Variants in ALPK1 observed in about 807,000 individuals in gnomAD.
ALPK1 encodes the protein alpha-protein kinase 1.
In ALPK1, 110 loss-of-function variants were observed where a neutral mutation model predicts 120.6. The observed-to-expected ratio is 0.91, with a 90% confidence interval of 0.78 to 1.07. The LOEUF (loss-of-function observed/expected upper bound fraction) is 1.07. Among genes scored for constraint, ALPK1 ranks in the 50% least tolerant of loss-of-function variants. The pLI is 0.00. For synonymous variants in ALPK1, 582 were observed against 560.3 expected, an observed-to-expected ratio of 1.04 and a Z score of -0.55; for missense variants, 1,498 against 1,483.9, an observed-to-expected ratio of 1.01 and a Z score of -0.16.
chr4:112,309,903 T>A (rs1212418667), intron 1 of ALPK1, among the ~76,000 whole-genome samples: 1 of 152,142 alleles, frequency 6.6e-6, no homozygotes, highest in African/African-American at 2.4e-5. Flanking sequence ...GTGGCCACTT[T>A]GTCCTGTTAG....
intron 10 of ALPK1, 126 bp downstream of exon 10, chr4:112,429,379 G>A: frequency 1.4e-6 from 1 of 728,566 alleles, no homozygotes; most frequent in Non-Finnish European, 2.2e-6. Context: ...TGGCAATTGT[G>A]ATAAGACTCC....
At chr4:112,430,325 T>A in intron 10 of ALPK1, 123 bp from the exon 11 acceptor site, 1 of 961,448 alleles carries the variant, frequency 1.0e-6, no homozygotes, top group Non-Finnish European at 1.5e-6. Context: ...TTAGAATGTA[T>A]GTGGCATGTG....
At chr4:112,402,594 A>T (rs1180750314) in intron 4 of ALPK1, among the ~76,000 whole-genome samples, 1 of 152,212 alleles carries the variant, frequency 6.6e-6, no homozygotes, top group African/African-American at 2.4e-5. Context: ...TCCTGAAAAC[A>T]GATGTGAAAA....
intron 4 of ALPK1, among the ~76,000 whole-genome samples, chr4:112,391,047 G>A (rs1412607173): frequency 6.6e-6 from 1 of 152,162 alleles, no homozygotes; most frequent in Admixed American, 6.5e-5. Flanking sequence ...GCTAGACTGA[G>A]GTAGATTGTA....
intron 2 of ALPK1, chr4:112,356,268 G>T: frequency 8.0e-7 from 1 of 1,244,562 alleles, no homozygotes; most frequent in South Asian, 1.2e-5. Context: ...GCGGGCACAG[G>T]CAAGACGCTG....
At chr4:112,316,695 C>A (rs1452904407) in intron 2 of ALPK1, among the ~76,000 whole-genome samples, 3 of 152,028 alleles carry the variant, frequency 2.0e-5, no homozygotes, top group Non-Finnish European at 4.4e-5. Context: ...TCTCATTGTG[C>A]TTTTGATCTG....
chr4:112,432,960 A>G (rs1188710487), intron 11 of ALPK1, among the ~76,000 whole-genome samples: 1 of 152,194 alleles, frequency 6.6e-6, no homozygotes, highest in Non-Finnish European at 1.5e-5. Flanking sequence ...GGTGATTTTA[A>G]CAGGCTGGAT....
intron 4 of ALPK1, 107 bp downstream of exon 4, chr4:112,382,659 C>T (rs1290729484): frequency 2.1e-6 from 3 of 1,463,384 alleles, no homozygotes; most frequent in South Asian, 1.2e-5. Flanking sequence ...CAGCCCCCTA[C>T]CCTTATGCTC....
intron 1 of ALPK1, among the ~76,000 whole-genome samples, chr4:112,308,764 C>A (rs1176092298): frequency 6.6e-6 from 1 of 152,152 alleles, no homozygotes; most frequent in African/African-American, 2.4e-5. Context: ...AGTCATTGTC[C>A]ATCCAGCTTT....
intron 2 of ALPK1, among the ~76,000 whole-genome samples, chr4:112,354,021 A>C (rs919520553): frequency 6.6e-6 from 1 of 152,144 alleles, no homozygotes; most frequent in African/African-American, 2.4e-5. Context: ...TGTCTGTTCA[A>C]GTCTTTTGTC....
chr4:112,399,452 C>A (rs1560670554), intron 4 of ALPK1, among the ~76,000 whole-genome samples: 1 of 152,074 alleles, frequency 6.6e-6, no homozygotes, highest in Non-Finnish European at 1.5e-5. Flanking sequence ...TATAGATTTA[C>A]AAAAGAGTGG....
intron 2 of ALPK1, among the ~76,000 whole-genome samples, chr4:112,321,898 C>T (rs969461195): frequency 1.3e-5 from 2 of 152,106 alleles, no homozygotes; most frequent in African/African-American, 4.8e-5. Flanking sequence ...TAGAGTGTCA[C>T]ATTTGTTTTC....
At chr4:112,425,557 T>C (rs1734199497) in intron 6 of ALPK1, 108 bp from the exon 7 acceptor site, 1 of 878,974 alleles carries the variant, frequency 1.1e-6, no homozygotes, top group African/African-American at 1.7e-5. Context: ...GACGAGATTG[T>C]TTCTCAAAAT....
chr4:112,328,108 G>T (rs1288021078), intron 2 of ALPK1, among the ~76,000 whole-genome samples: 1 of 152,242 alleles, frequency 6.6e-6, no homozygotes, highest in Non-Finnish European at 1.5e-5. Flanking sequence ...GAAAGCAGTG[G>T]TTTTTGTTTT....
intron 2 of ALPK1, among the ~76,000 whole-genome samples, chr4:112,328,148 C>T (rs140642841): frequency 6.6e-6 from 1 of 152,366 alleles, no homozygotes; most frequent in African/African-American, 2.4e-5. Flanking sequence ...AAAGTCGATA[C>T]ATTAATAAGT....
At chr4:112,425,907 G>T in intron 7 of ALPK1, 156 bp downstream of exon 7, 1 of 538,636 alleles carries the variant, frequency 1.9e-6, no homozygotes, top group East Asian at 3.3e-5. Flanking sequence ...TAAGATCCTA[G>T]GAGTGTCACA....
intron 1 of ALPK1, among the ~76,000 whole-genome samples, chr4:112,312,524 G>T (rs1202212703): frequency 1.3e-5 from 2 of 152,110 alleles, no homozygotes; most frequent in Non-Finnish European, 2.9e-5. Flanking sequence ...CGCCCACCTC[G>T]GCCTTCCAAA....
At chr4:112,326,772 C>T (rs144715446) in intron 2 of ALPK1, among the ~76,000 whole-genome samples, 9 of 152,262 alleles carry the variant, frequency 5.9e-5, no homozygotes, top group South Asian at 2.1e-4. Flanking sequence ...CCTATGTGTA[C>T]GTAAATCTAG....
intron 4 of ALPK1, among the ~76,000 whole-genome samples, chr4:112,389,333 C>T (rs1345364391): frequency 6.6e-6 from 1 of 152,142 alleles, no homozygotes. Flanking sequence ...CGTGAGCCAC[C>T]GTGCCTGGCC....
Sources: gnomAD v4.1 joint callset for allele counts (sites outside exome capture counted in the v4.1 genomes callset) on GRCh38, gnomAD v4.1.1 for gene constraint, MANE v1.5 for transcripts, NCBI Gene and HGNC (gene_info 2026-07-23, HGNC 2026-07-21) for gene names.